The following STK24 variants were observed in gnomAD, a reference collection of about 807,000 sequenced individuals.
STK24 encodes the protein serine/threonine-protein kinase 24.
A neutral mutation model predicts 55.6 loss-of-function variants in STK24; 21 were observed. That is an observed-to-expected ratio of 0.38 (90% CI 0.27 to 0.54). STK24 has a LOEUF of 0.54. Ranked by LOEUF, STK24 falls within the 20% of genes least tolerant of loss-of-function variation. The pLI, the probability that STK24 is intolerant of heterozygous loss-of-function variation, is 0.79. For synonymous variants in STK24, 200 were observed against 215.2 expected, an observed-to-expected ratio of 0.93 and a Z score of 0.62; for missense variants, 383 against 538.4, an observed-to-expected ratio of 0.71 and a Z score of 2.86.
intron 2 of STK24, among the ~76,000 whole-genome samples, chr13:98,499,694 G>C (rs1230279623): frequency 6.6e-6 from 1 of 152,172 alleles, no homozygotes; most frequent in African/African-American, 2.4e-5. Context: ...GTGATCAGTA[G>C]CCGAGGTAAG....
chr13:98,487,182 G>A (rs1283286016), intron 2 of STK24, among the ~76,000 whole-genome samples: 2 of 152,190 alleles, frequency 1.3e-5, no homozygotes, highest in Non-Finnish European at 2.9e-5. Context: ...TGTTCTCCGG[G>A]AAGGACCCAG....
rs536797728 is a variant in STK24 at position 98,520,962 on chromosome 13, A to G, written c.43-1489T>C. Reference sequence around the variant, plus strand: ...CACAAAACCCACCAACCATCTTAGTACAAAATGAACCAAGGCTTGCGTGGT... The same window carrying G: ...CACAAAACCCACCAACCATCTTAGTGCAAAATGAACCAAGGCTTGCGTGGT... On this transcript the variant is annotated intron_variant, in intron 1 of 10. Coordinates refer to ENST00000539966, the MANE Select transcript of STK24 (RefSeq NM_001032296.4). Among the ~76,000 whole-genome samples the G allele has an allele frequency of 3.3e-5, 5 of 152,364 alleles. No homozygotes were observed. In the South Asian group the frequency reaches 1.0e-3, roughly 32 times the overall value.
chr13:98,521,603 C>T (rs1317427885), intron 1 of STK24, among the ~76,000 whole-genome samples: 1 of 152,176 alleles, frequency 6.6e-6, no homozygotes, highest in East Asian at 1.9e-4. Context: ...TCCCACCTGA[C>T]TCCCCCTACA....
At position 98,447,189 on chromosome 13, in the gene STK24, T is replaced by C. The variant is rs2281769; in HGVS notation, c.*5984A>G. On this transcript the variant is annotated 3_prime_UTR_variant, in exon 11 of 11. Coordinates refer to ENST00000539966, the MANE Select transcript of STK24 (RefSeq NM_001032296.4). The stretch of plus-strand genomic sequence containing the variant: ...GAAATGCAACAGTCAGGCCTAAGAC[T>C]GTTCCTGCAATTCATATTTTGAATA... 0.67 allele frequency: 112,442 copies of C among 167,890 alleles called. 39,199 individuals carry two copies. Among genetic ancestry groups the C allele is most frequent in the Non-Finnish European group, 0.77 (60,076 of 78,326 alleles). The allele number at this position is 167,890 out of a possible 1,614,324, so 10.4% of individuals were successfully genotyped here.
At chr13:98,514,027 C>T (rs763210225) in intron 2 of STK24, among the ~76,000 whole-genome samples, 2 of 152,232 alleles carry the variant, frequency 1.3e-5, no homozygotes, top group Non-Finnish European at 2.9e-5. Context: ...ATACATTCAT[C>T]ATCATGTAGC....
rs1252030195 is a variant in STK24, at chr13:98,445,272, A to G, written c.*7901T>C. ...ATTTTTACGGGAACAATTCAGTGGCATTAAGTGCCTTTACAAGGTGGTGCA... is the reference window on the plus strand; with the variant it reads ...ATTTTTACGGGAACAATTCAGTGGCGTTAAGTGCCTTTACAAGGTGGTGCA... On this transcript the variant is annotated 3_prime_UTR_variant, in exon 11 of 11. Transcript: ENST00000539966. 2 of 152,272 alleles carry G rather than the reference A, an allele frequency of 1.3e-5. No homozygotes were observed. The highest frequency in any genetic ancestry group is 4.8e-5 in the African/African-American group (2 of 41,466). 9.4% of individuals were successfully genotyped at this position (152,272 alleles called of 1,614,324 possible).
At chr13:98,479,783 A>G (rs138422707) in intron 3 of STK24, among the ~76,000 whole-genome samples, 46 of 152,326 alleles carry the variant, frequency 3.0e-4, no homozygotes, top group East Asian at 1.2e-3. Flanking sequence ...AAAGACTGCA[A>G]CAGCTCCCAG....
In STK24 at chr13:98,449,490, CGA is replaced by C. The variant is rs962144180; in HGVS notation, c.*3681_*3682del. The C allele has an allele frequency of 1.3e-5, 2 of 152,300 alleles. No individual in the cohort carries two copies. Among genetic ancestry groups the C allele is most frequent in the Admixed American group, 6.6e-5 (1 of 15,264 alleles). The allele number at this position is 152,300 out of a possible 1,614,324, so 9.4% of individuals were successfully genotyped here. On this transcript the variant is annotated 3_prime_UTR_variant, in exon 11 of 11. Transcript: ENST00000539966. ...CTTGGTTTTCCTAAGCCCTTTCTAA[CGA>C]GAGTCTCAAACAAGCGGAGGCGAGG...
intron 1 of STK24, among the ~76,000 whole-genome samples, chr13:98,555,111 T>C (rs560201584): frequency 1.7e-4 from 26 of 152,288 alleles, no homozygotes; most frequent in African/African-American, 6.0e-4. Flanking sequence ...TTACACTTGA[T>C]TGGTCTAGTG....
chr13:98,463,869 G>C (rs1206598470), intron 6 of STK24, 33 bp from the exon 7 acceptor site: 2 of 1,607,106 alleles, frequency 1.2e-6, no homozygotes, highest in African/African-American at 2.7e-5. Flanking sequence ...TAAAGTATGA[G>C]ATGAAGTTCT....
At chr13:98,471,374 T>C (rs1213795085) in intron 5 of STK24, among the ~76,000 whole-genome samples, 4 of 152,306 alleles carry the variant, frequency 2.6e-5, no homozygotes, top group East Asian at 3.9e-4. Context: ...ACCATCGTAA[T>C]GATCTTACAA....
intron 5 of STK24, 114 bp from the exon 6 acceptor site, chr13:98,466,675 T>C: frequency 1.7e-6 from 2 of 1,165,628 alleles, no homozygotes; most frequent in Admixed American, 2.7e-5. Flanking sequence ...GAAAAAGGTA[T>C]TTTTAACTGA....
chr13:98,532,634 A>T (rs988457161), intron 1 of STK24, among the ~76,000 whole-genome samples: 2 of 152,240 alleles, frequency 1.3e-5, no homozygotes, highest in African/African-American at 4.8e-5. Flanking sequence ...TATTTATCAA[A>T]TACCTATCTT....
chr13:98,475,940 T>C (rs1160232137), intron 3 of STK24, among the ~76,000 whole-genome samples: 7 of 152,170 alleles, frequency 4.6e-5, no homozygotes, highest in African/African-American at 1.7e-4. Context: ...TAGAATTTTT[T>C]AAATCTGCAG....
intron 5 of STK24, among the ~76,000 whole-genome samples, chr13:98,468,397 A>G (rs1893998300): frequency 6.6e-6 from 1 of 152,254 alleles, no homozygotes; most frequent in Admixed American, 6.5e-5. Flanking sequence ...CAGAAATGCA[A>G]CTGATCCCAG....
intron 1 of STK24, among the ~76,000 whole-genome samples, chr13:98,523,792 C>T (rs991899741): frequency 3.9e-5 from 6 of 152,220 alleles, no homozygotes; most frequent in Non-Finnish European, 5.9e-5. Flanking sequence ...TTTGGCCACT[C>T]GGTTTTGGTT....
At chr13:98,532,124 G>A (rs543677463) in intron 1 of STK24, among the ~76,000 whole-genome samples, 5 of 152,252 alleles carry the variant, frequency 3.3e-5, no homozygotes, top group South Asian at 4.2e-4. Flanking sequence ...GAGGACCACC[G>A]GTCTAGTCTA....
intron 2 of STK24, among the ~76,000 whole-genome samples, chr13:98,498,331 G>A (rs773627733): frequency 1.3e-5 from 2 of 152,232 alleles, no homozygotes; most frequent in Non-Finnish European, 2.9e-5. Context: ...GAATTCAAAT[G>A]CTCAGCTCAA....
At chr13:98,515,560 A>C (rs1209517284) in intron 2 of STK24, among the ~76,000 whole-genome samples, 1 of 152,042 alleles carries the variant, frequency 6.6e-6, no homozygotes, top group African/African-American at 2.4e-5. Flanking sequence ...TCTCCTCCCT[A>C]AATTCTAGCC....
Sources: gnomAD v4.1 joint callset for allele counts (sites outside exome capture counted in the v4.1 genomes callset) on GRCh38, gnomAD v4.1.1 for gene constraint, MANE v1.5 for transcripts, NCBI Gene and HGNC (gene_info 2026-07-23, HGNC 2026-07-21) for gene names.